The following PPFIA2 variants were observed in gnomAD, a reference collection of about 807,000 sequenced individuals.
PPFIA2 encodes the protein PPFI scaffold protein A2, also known as liprin-alpha-2.
A neutral mutation model predicts 175.5 loss-of-function variants in PPFIA2; 46 were observed. The ratio of observed to expected loss-of-function variants is 0.26; its 90% confidence interval spans 0.21 to 0.34. The LOEUF is 0.34. Ranked by LOEUF, PPFIA2 falls within the 10% of genes least tolerant of loss-of-function variation. The probability of loss-of-function intolerance (pLI) is 1.00; values close to 1 mark genes in which losing one functional copy is unlikely to be tolerated. For synonymous variants in PPFIA2, 568 were observed against 511.4 expected (o/e 1.11, Z -1.49); for missense variants, 1,179 against 1,506.1 (o/e 0.78, Z 3.60).
chr12:81,748,405 C>T (rs909707799), intron 3 of PPFIA2, among the ~76,000 whole-genome samples: 1 of 144,594 alleles, frequency 6.9e-6, no homozygotes, highest in Non-Finnish European at 1.6e-5. Flanking sequence ...CTAGGTTTGG[C>T]CAAGGGACAT....
At chr12:81,432,193 C>T (rs2048212186) in intron 7 of PPFIA2, among the ~76,000 whole-genome samples, 1 of 152,044 alleles carries the variant, frequency 6.6e-6, no homozygotes, top group Non-Finnish European at 1.5e-5. Flanking sequence ...CAGCCATTAC[C>T]ATCATCTGTC....
chr12:81,348,658 C>G (rs1289127775), intron 17 of PPFIA2, among the ~76,000 whole-genome samples: 2 of 152,044 alleles, frequency 1.3e-5, no homozygotes, highest in African/African-American at 4.8e-5. Context: ...ATCGCTTGAA[C>G]CCGGGAGGCA....
intron 8 of PPFIA2, among the ~76,000 whole-genome samples, chr12:81,398,831 C>T (rs1464301913): frequency 6.6e-6 from 1 of 152,024 alleles, no homozygotes. Flanking sequence ...ACACTACATA[C>T]TGTGTTTCTT....
intron 22 of PPFIA2, among the ~76,000 whole-genome samples, chr12:81,311,291 C>T (rs967808209): frequency 5.9e-5 from 9 of 152,172 alleles, no homozygotes; most frequent in African/African-American, 2.2e-4. Context: ...GAACAACACA[C>T]ATTCAACCAA....
chr12:81,344,651 T>C lies in PPFIA2; in HGVS notation c.2262+13A>G. The C allele has an allele frequency of 6.5e-7, 1 of 1,542,332 alleles. No homozygotes were observed. The highest frequency in any genetic ancestry group is 1.4e-5 in the African/African-American group (1 of 73,358). Reference sequence around the variant, plus strand: ...TATTCAATTCGTAATGATGTAAAAGTTATTTACTGTACCTTTCTCCGATGT... The same window carrying C: ...TATTCAATTCGTAATGATGTAAAAGCTATTTACTGTACCTTTCTCCGATGT... On this transcript the variant is annotated intron_variant, in intron 19 of 32. Transcript: ENST00000549396.
intron 7 of PPFIA2, among the ~76,000 whole-genome samples, chr12:81,411,278 A>T (rs2043919838): frequency 6.6e-6 from 1 of 152,080 alleles, no homozygotes; most frequent in African/African-American, 2.4e-5. Context: ...TGGAGGAATG[A>T]TGGGACTAGC....
chr12:81,564,586 T>C (rs563156269), intron 4 of PPFIA2, among the ~76,000 whole-genome samples: 31 of 152,324 alleles, frequency 2.0e-4, no homozygotes, highest in African/African-American at 6.7e-4. Context: ...AGAACACTGA[T>C]AGTCCTTGGT....
At chr12:81,553,751 G>A (rs2068351314) in intron 4 of PPFIA2, among the ~76,000 whole-genome samples, 2 of 152,034 alleles carry the variant, frequency 1.3e-5, no homozygotes, top group Admixed American at 6.6e-5. Context: ...TGCATTGAGA[G>A]ACTTTGGGTG....
chr12:81,437,299 G>A (rs932709708), intron 7 of PPFIA2, among the ~76,000 whole-genome samples: 2 of 152,050 alleles, frequency 1.3e-5, no homozygotes, highest in Non-Finnish European at 2.9e-5. Flanking sequence ...GCGCGATCTC[G>A]GCTCACTGCA....
chr12:81,748,172 T>C (rs1568117975), intron 3 of PPFIA2, among the ~76,000 whole-genome samples: 1 of 144,218 alleles, frequency 6.9e-6, no homozygotes, highest in Non-Finnish European at 1.6e-5. Flanking sequence ...TTCAATAGTC[T>C]TTATATTTCA....
At chr12:81,658,578 A>G (rs534740422) in intron 4 of PPFIA2, among the ~76,000 whole-genome samples, 1 of 152,186 alleles carries the variant, frequency 6.6e-6, no homozygotes, top group South Asian at 2.1e-4. Flanking sequence ...AGAACAGTCT[A>G]ATTAGAAACC....
chr12:81,341,860 T>C (rs909479842), intron 19 of PPFIA2, among the ~76,000 whole-genome samples: 4 of 152,120 alleles, frequency 2.6e-5, no homozygotes, highest in African/African-American at 9.7e-5. Context: ...AAGACATCTT[T>C]TAAGTAGGGA....
intron 4 of PPFIA2, among the ~76,000 whole-genome samples, chr12:81,634,758 G>A (rs2063792889): frequency 6.6e-6 from 1 of 151,942 alleles, no homozygotes; most frequent in African/African-American, 2.4e-5. Flanking sequence ...AAATTCCAGA[G>A]GTAAAGAGAA....
chr12:81,584,559 G>T lies in PPFIA2; in HGVS notation c.303+92232C>A, dbSNP rs2074901655. 2.0e-5 allele frequency among the ~76,000 whole-genome samples: 3 copies of T among 151,282 alleles called. No homozygotes were observed. In the South Asian group the frequency reaches 6.2e-4, roughly 31 times the overall value. On this transcript the variant is annotated intron_variant, in intron 4 of 32. Coordinates refer to ENST00000549396, the MANE Select transcript of PPFIA2 (RefSeq NM_003625.5). ...TGTTCTGAGAAGTGCGTAATTAGGT[G>T]ATTTTGTCATGTAAACATCATGACA...
At chr12:81,322,447 G>T (rs1921044) in intron 22 of PPFIA2, among the ~76,000 whole-genome samples, 96,978 of 151,888 alleles carry the variant, frequency 0.64, 32,523 homozygotes, top group Non-Finnish European at 0.76. Flanking sequence ...TATTAATACT[G>T]AAACTAAATA....
At chr12:81,716,671 A>T (rs1193821138) in intron 3 of PPFIA2, among the ~76,000 whole-genome samples, 3 of 151,768 alleles carry the variant, frequency 2.0e-5, no homozygotes, top group Non-Finnish European at 2.9e-5. Flanking sequence ...GATGCTTTAA[A>T]CGTAGTTTTG....
chr12:81,672,216 C>T (rs186960442), intron 4 of PPFIA2, among the ~76,000 whole-genome samples: 11 of 151,846 alleles, frequency 7.2e-5, no homozygotes, highest in Admixed American at 2.6e-4. Context: ...AATTAGGACA[C>T]GATTCAGATT....
At chr12:81,310,929 A>AATATTTAT (rs1224202740) in intron 22 of PPFIA2, among the ~76,000 whole-genome samples, 2 of 152,168 alleles carry the variant, frequency 1.3e-5, no homozygotes, top group African/African-American at 4.8e-5. Flanking sequence ...TGGCATACAA[A>AATATTTAT]ATATTTATAT....
chr12:81,378,949 T>C (rs1272830514), intron 9 of PPFIA2, among the ~76,000 whole-genome samples: 1 of 152,152 alleles, frequency 6.6e-6, no homozygotes, highest in Non-Finnish European at 1.5e-5. Context: ...AAGTGCTTTG[T>C]ATGGTGTCTC....
Sources: allele counts gnomAD v4.1 joint callset (sites outside exome capture counted in the v4.1 genomes callset), GRCh38; gene constraint gnomAD v4.1.1; transcripts MANE v1.5; gene names NCBI Gene and HGNC (gene_info 2026-07-23, HGNC 2026-07-21).